The following CREB1 variants were observed in gnomAD, a reference collection of about 807,000 sequenced individuals.
CREB1 encodes the protein cyclic AMP-responsive element-binding protein 1.
A neutral mutation model predicts 42.0 loss-of-function variants in CREB1; 2 were observed. The ratio of observed to expected loss-of-function variants is 0.05; its 90% CI spans 0.02 to 0.15. CREB1 has a LOEUF of 0.15. CREB1 is among the 10% of genes least tolerant of loss of function. The pLI, the probability that CREB1 is intolerant of heterozygous loss-of-function variation, is 1.00. For missense variants in CREB1, 199 were observed against 388.9 expected, an observed-to-expected ratio of 0.51 and a Z score of 4.11; for synonymous variants, 123 against 139.9, an observed-to-expected ratio of 0.88 and a Z score of 0.85.
At chr2:207,548,140 C>G (rs2081366444) in intron 1 of CREB1, among the ~76,000 whole-genome samples, 1 of 151,982 alleles carries the variant, frequency 6.6e-6, no homozygotes, top group Non-Finnish European at 1.5e-5. Context: ...ACAATGTTGG[C>G]CAGGCAGATC....
intron 7 of CREB1, among the ~76,000 whole-genome samples, chr2:207,590,422 T>C (rs943065160): frequency 9.9e-5 from 15 of 152,016 alleles, no homozygotes; most frequent in African/African-American, 3.4e-4. Context: ...AAATTCTTAG[T>C]TTCATTAGTT....
At position 207,588,364 on chromosome 2, in the gene CREB1, T is replaced by G. The variant is rs984978095; in HGVS notation, c.840-8550T>G. Among the ~76,000 whole-genome samples, 3 of 152,332 alleles carry G rather than the reference T, an allele frequency of 2.0e-5. 1 individual carries two copies. In the South Asian group the frequency reaches 6.2e-4, roughly 32 times the overall value. On this transcript the variant is annotated intron_variant, in intron 7 of 7. Coordinates refer to ENST00000353267, the MANE Select transcript of CREB1 (RefSeq NM_004379.5). Reference sequence around the variant, plus strand: ...TTAATTGACCATATTTGTGTGAGTCTGTTTCTTGGATATCTTTCCATTGAT... The same window carrying G: ...TTAATTGACCATATTTGTGTGAGTCGGTTTCTTGGATATCTTTCCATTGAT...
In CREB1 at chr2:207,602,886, T is replaced by TC; in HGVS notation, c.*5833dup. On this transcript the variant is annotated 3_prime_UTR_variant, in exon 8 of 8. Transcript: ENST00000353267. ...GATTTGTCCACATGTCAGTTGTAAC[T>TC]CCCCCACTCCCTGCAAAAGGAATTA... 1 of 217,254 alleles carries TC rather than the reference T, an allele frequency of 4.6e-6. No individual in the cohort carries two copies. The highest frequency in any genetic ancestry group is 5.8e-5 in the Admixed American group (1 of 17,170). The allele number at this position is 217,254 out of a possible 1,614,324, so 13.5% of individuals were successfully genotyped here.
rs2087308054 is a variant in CREB1 at position 207,602,779 on chromosome 2, C to T, written c.*5721C>T. 4.7e-6 allele frequency: 1 copy of T among 214,710 alleles called. No individual in the cohort carries two copies. Among genetic ancestry groups the T allele is most frequent in the Admixed American group, 5.8e-5 (1 of 17,144 alleles). The allele number at this position is 214,710 out of a possible 1,614,324, so 13.3% of individuals were successfully genotyped here. On this transcript the variant is annotated 3_prime_UTR_variant, in exon 8 of 8. Coordinates refer to ENST00000353267, the MANE Select transcript of CREB1 (RefSeq NM_004379.5). ...ATTAAAAGTGGGAAATAATTGTCAACATTTTTTTTGAGTATAGATTTATTA... is the reference window on the plus strand; with the variant it reads ...ATTAAAAGTGGGAAATAATTGTCAATATTTTTTTTGAGTATAGATTTATTA...
chr2:207,580,764 T>C (rs749367537), intron 7 of CREB1: 15 of 225,092 alleles, frequency 6.7e-5, no homozygotes, highest in Non-Finnish European at 1.1e-4. Flanking sequence ...TCTTAAAATT[T>C]CTTCCTCACT....
In CREB1 at chr2:207,600,238, C is replaced by CATATATATAT. The variant is rs71036937; in HGVS notation, c.*3196_*3205dup. On this transcript the variant is annotated 3_prime_UTR_variant, in exon 8 of 8. Coordinates refer to ENST00000353267, the MANE Select transcript of CREB1 (RefSeq NM_004379.5). ...GTGGCATTTGTATAATATATGTGTACATATATATATATATATATATATATA... is the reference window on the plus strand; with the variant it reads ...GTGGCATTTGTATAATATATGTGTACATATATATATATATATATATATATATATATATATA... 1.9e-4 allele frequency: 28 copies of CATATATATAT among 145,688 alleles called. No homozygotes were observed. Among genetic ancestry groups the CATATATATAT allele is most frequent in the Non-Finnish European group, 3.4e-4 (23 of 68,446 alleles). The allele number at this position is 145,688 out of a possible 1,614,324, so 9.0% of individuals were successfully genotyped here.
At chr2:207,547,664 A>G (rs1175381814) in intron 1 of CREB1, among the ~76,000 whole-genome samples, 1 of 152,088 alleles carries the variant, frequency 6.6e-6, no homozygotes, top group Non-Finnish European at 1.5e-5. Context: ...AATATTATCT[A>G]AAATATTGCA....
chr2:207,605,643 C>CT lies in CREB1; in HGVS notation c.*8592dup, dbSNP rs1237781125. ...GTATGTTCTCTCCTCCTCCCTCTCCCTTTTTTTACACAAAAGGTAGGTACA... is the reference window on the plus strand; with the variant it reads ...GTATGTTCTCTCCTCCTCCCTCTCCCTTTTTTTTACACAAAAGGTAGGTACA... On this transcript the variant is annotated 3_prime_UTR_variant, in exon 8 of 8. Coordinates refer to ENST00000353267, the MANE Select transcript of CREB1 (RefSeq NM_004379.5). 3.3e-5 allele frequency among the ~76,000 whole-genome samples: 5 copies of CT among 152,100 alleles called. No homozygotes were observed. Among genetic ancestry groups the CT allele is most frequent in the African/African-American group, 7.2e-5 (3 of 41,422 alleles).
Position 207,543,170 on chromosome 2 carries a change from C to T in CREB1, c.-8-12458C>T, listed in dbSNP as rs187010449. The stretch of plus-strand genomic sequence containing the variant: ...CATCACTTGACTCTTATGGGTTCAG[C>T]ATAGGAGTCAGCATGCAGCAAATTC... On this transcript the variant is annotated intron_variant, in intron 1 of 7. Transcript: ENST00000353267. Among the ~76,000 whole-genome samples the T allele has an allele frequency of 1.7e-3, 255 of 152,278 alleles. 3 individuals carry two copies. The highest frequency in any genetic ancestry group is 0.013 in the South Asian group (65 of 4,828).
chr2:207,587,173 C>T (rs1346277711), intron 7 of CREB1, among the ~76,000 whole-genome samples: 1 of 152,116 alleles, frequency 6.6e-6, no homozygotes, highest in Non-Finnish European at 1.5e-5. Flanking sequence ...GCGGGTGGAT[C>T]ACAAGGTCAG....
chr2:207,534,514 A>C (rs1385523450), intron 1 of CREB1: 2 of 152,220 alleles, frequency 1.3e-5, no homozygotes, highest in Non-Finnish European at 2.9e-5. Context: ...TACTTTTTAA[A>C]TTATTTATTA....
intron 1 of CREB1, among the ~76,000 whole-genome samples, chr2:207,539,613 T>C (rs2081015427): frequency 6.6e-6 from 1 of 152,226 alleles, no homozygotes. Flanking sequence ...ATATGGCTCC[T>C]ACCCTCAAGA....
chr2:207,573,372 C>G (rs967636361), intron 5 of CREB1, among the ~76,000 whole-genome samples: 7 of 152,152 alleles, frequency 4.6e-5, no homozygotes, highest in Non-Finnish European at 8.8e-5. Context: ...TTGATATTTA[C>G]AACAATTGTA....
chr2:207,562,296 T>C (rs757541980), intron 3 of CREB1, among the ~76,000 whole-genome samples: 30 of 152,190 alleles, frequency 2.0e-4, no homozygotes, highest in Non-Finnish European at 3.8e-4. Context: ...TTTTCACTTA[T>C]AGAAGATCTT....
intron 1 of CREB1, among the ~76,000 whole-genome samples, chr2:207,547,030 A>G (rs1444778297): frequency 1.3e-5 from 2 of 152,210 alleles, no homozygotes; most frequent in East Asian, 1.9e-4. Flanking sequence ...AGTCTTGAAC[A>G]TTCCTTACAA....
chr2:207,563,261 C>G (rs1006180418), intron 3 of CREB1, among the ~76,000 whole-genome samples: 1 of 152,156 alleles, frequency 6.6e-6, no homozygotes, highest in South Asian at 2.1e-4. Flanking sequence ...ATTGGAGATG[C>G]AATTTACAAC....
chr2:207,582,918 A>AAATAT (rs1553505582), intron 7 of CREB1: 3 of 258,362 alleles, frequency 1.2e-5, no homozygotes, highest in Non-Finnish European at 1.6e-5. Flanking sequence ...AACAAAAAAA[A>AAATAT]ATATATATAT....
intron 1 of CREB1, among the ~76,000 whole-genome samples, chr2:207,540,007 T>G (rs144887512): frequency 6.6e-6 from 1 of 152,282 alleles, no homozygotes; most frequent in African/African-American, 2.4e-5. Flanking sequence ...AATGATAAAT[T>G]GGGCTGAAAT....
chr2:207,597,997 A>G lies in CREB1; in HGVS notation c.*939A>G, dbSNP rs764053538. ...CTCATTTACGTAAAAAGATATTTCT[A>G]ATTTACTGTTGCCCATTGCACTTAC... On this transcript the variant is annotated 3_prime_UTR_variant, in exon 8 of 8. Transcript: ENST00000353267. 6.0e-4 allele frequency: 109 copies of G among 183,048 alleles called. 1 individual carries two copies. Among genetic ancestry groups the G allele is most frequent in the Non-Finnish European group, 1.1e-3 (95 of 86,192 alleles). The allele number at this position is 183,048 out of a possible 1,614,324, so 11.3% of individuals were successfully genotyped here. A position where few individuals can be genotyped will look rare whatever the true frequency, so the allele number is the denominator to read the frequency against.
Sources: gnomAD v4.1 joint callset for allele counts (sites outside exome capture counted in the v4.1 genomes callset) on GRCh38, gnomAD v4.1.1 for gene constraint, MANE v1.5 for transcripts, NCBI Gene and HGNC (gene_info 2026-07-23, HGNC 2026-07-21) for gene names.